The following EYS variants were observed in gnomAD, a reference collection of about 807,000 sequenced individuals.
The protein encoded by EYS is protein eyes shut homolog.
A neutral mutation model predicts 282.1 loss-of-function variants in EYS; 250 were observed. That is an observed-to-expected ratio of 0.89 (90% CI 0.80 to 0.98). EYS has a LOEUF of 0.98. Among genes scored for constraint, EYS ranks in the 50% least tolerant of loss-of-function variants. The pLI, the probability that EYS is intolerant of heterozygous loss-of-function variation, is 0.00. For missense variants in EYS, 4,016 were observed against 3,709.0 expected, an observed-to-expected ratio of 1.08 and a Z score of -2.15; for synonymous variants, 1,355 against 1,282.9, an observed-to-expected ratio of 1.06 and a Z score of -1.20.
chr6:65,596,643 T>C (rs1278336197), intron 2 of EYS, among the ~76,000 whole-genome samples: 1 of 150,064 alleles, frequency 6.7e-6, no homozygotes, highest in African/African-American at 2.4e-5. Flanking sequence ...CAGGAAGAAT[T>C]TTTTTTTTTA....
At chr6:65,515,859 TGCA>T (rs1767112037) in intron 2 of EYS, among the ~76,000 whole-genome samples, 1 of 150,648 alleles carries the variant, frequency 6.6e-6, no homozygotes, top group Non-Finnish European at 1.5e-5. Flanking sequence ...AGTTAACGGG[TGCA>T]GCACACCAGC....
chr6:65,656,129 T>C (rs1767814497), intron 1 of EYS, among the ~76,000 whole-genome samples: 1 of 151,860 alleles, frequency 6.6e-6, no homozygotes, highest in South Asian at 2.1e-4. Flanking sequence ...CAAATGTATG[T>C]ATTCTGACTG....
chr6:64,955,996 A>G (rs1370042654), intron 14 of EYS, among the ~76,000 whole-genome samples: 2 of 152,178 alleles, frequency 1.3e-5, no homozygotes, highest in Non-Finnish European at 1.5e-5. Flanking sequence ...AAATTAAGGA[A>G]TAGAGAAACT....
chr6:64,654,450 A>G (rs1046972694), intron 22 of EYS, among the ~76,000 whole-genome samples: 1 of 152,170 alleles, frequency 6.6e-6, no homozygotes, highest in African/African-American at 2.4e-5. Context: ...ATAATGGGAA[A>G]CATGAATTAT....
chr6:65,384,826 T>A (rs1239188415), intron 7 of EYS, among the ~76,000 whole-genome samples: 4 of 151,832 alleles, frequency 2.6e-5, no homozygotes, highest in Admixed American at 2.0e-4. Context: ...ATGACAAATG[T>A]GATTTTTTAA....
chr6:65,036,987 C>A (rs1265114040), intron 13 of EYS, among the ~76,000 whole-genome samples: 1 of 151,914 alleles, frequency 6.6e-6, no homozygotes, highest in East Asian at 1.9e-4. Flanking sequence ...ATAAATTGTT[C>A]TACCATAAAT....
chr6:64,397,888 C>G (rs1300989546), intron 28 of EYS, among the ~76,000 whole-genome samples: 7 of 151,798 alleles, frequency 4.6e-5, no homozygotes, highest in Non-Finnish European at 7.4e-5. Context: ...TAAATTTAAC[C>G]ATATTCAACA....
intron 35 of EYS, among the ~76,000 whole-genome samples, chr6:63,905,332 T>C (rs945246434): frequency 2.1e-5 from 3 of 144,826 alleles, no homozygotes; most frequent in Non-Finnish European, 4.5e-5. Flanking sequence ...TTTTTTTCTT[T>C]TTTTTTTTTT....
At chr6:64,695,035 C>T (rs1474407662) in intron 22 of EYS, among the ~76,000 whole-genome samples, 1 of 152,036 alleles carries the variant, frequency 6.6e-6, no homozygotes, top group Middle Eastern at 3.2e-3. Flanking sequence ...TCAGTAGTTG[C>T]TGTGCTCTTC....
chr6:64,717,494 G>T (rs961538375), intron 22 of EYS, among the ~76,000 whole-genome samples: 1 of 152,146 alleles, frequency 6.6e-6, no homozygotes, highest in Non-Finnish European at 1.5e-5. Flanking sequence ...TGATCTGACA[G>T]AAGGCAAAGC....
intron 2 of EYS, among the ~76,000 whole-genome samples, chr6:65,598,408 C>T (rs553974489): frequency 4.6e-5 from 7 of 151,966 alleles, no homozygotes; most frequent in Admixed American, 3.9e-4. Flanking sequence ...AGATATAATT[C>T]AATGATTTTT....
chr6:63,724,564 A>G (rs2149629340), intron 42 of EYS, among the ~76,000 whole-genome samples: 1 of 152,250 alleles, frequency 6.6e-6, no homozygotes, highest in South Asian at 2.1e-4. Context: ...AATGTTGATA[A>G]TTTTTATATA....
At chr6:65,482,038 T>A (rs987848885) in intron 5 of EYS, among the ~76,000 whole-genome samples, 1 of 152,216 alleles carries the variant, frequency 6.6e-6, no homozygotes, top group Non-Finnish European at 1.5e-5. Context: ...TTCATGTTAG[T>A]AATTGATACA....
intron 5 of EYS, among the ~76,000 whole-genome samples, chr6:65,467,492 CAT>C (rs1335749002): frequency 1.3e-5 from 2 of 150,064 alleles, no homozygotes; most frequent in South Asian, 2.1e-4. Context: ...AACTGATACA[CAT>C]GACTATTTAA....
intron 31 of EYS, among the ~76,000 whole-genome samples, chr6:64,209,564 A>T (rs969838499): frequency 6.6e-6 from 1 of 152,144 alleles, no homozygotes; most frequent in African/African-American, 2.4e-5. Context: ...CCATTTGATT[A>T]TCTTCCAGCA....
chr6:64,177,341 T>TAC (rs1764668071), intron 31 of EYS, among the ~76,000 whole-genome samples: 1 of 151,472 alleles, frequency 6.6e-6, no homozygotes, highest in Non-Finnish European at 1.5e-5. Flanking sequence ...ACTGTATATA[T>TAC]ATATATATTT....
intron 26 of EYS, among the ~76,000 whole-genome samples, chr6:64,455,463 T>C (rs1230564361): frequency 6.6e-6 from 1 of 152,070 alleles, no homozygotes; most frequent in Non-Finnish European, 1.5e-5. Flanking sequence ...TATTTTAAGT[T>C]CTGGGATCTA....
intron 2 of EYS, among the ~76,000 whole-genome samples, chr6:65,554,789 A>C (rs1325642014): frequency 2.0e-5 from 3 of 152,180 alleles, no homozygotes; most frequent in Admixed American, 6.5e-5. Context: ...TAATTACAGA[A>C]AGCAATGTCT....
chr6:63,792,797 C>T (rs764347425), intron 37 of EYS, among the ~76,000 whole-genome samples: 56 of 151,992 alleles, frequency 3.7e-4, no homozygotes, highest in Non-Finnish European at 6.5e-4. Flanking sequence ...CTTTAAGTTC[C>T]AAAGGGCCCC....
Sources: gnomAD v4.1 joint callset for allele counts (sites outside exome capture counted in the v4.1 genomes callset) on GRCh38, gnomAD v4.1.1 for gene constraint, MANE v1.5 for transcripts, NCBI Gene and HGNC (gene_info 2026-07-23, HGNC 2026-07-21) for gene names.